GPHN: variants seen among roughly 807,000 people sequenced by gnomAD.
The protein encoded by GPHN is gephyrin.
In GPHN, 17 loss-of-function variants were observed where a neutral mutation model predicts 95.5. That is an observed-to-expected ratio of 0.18 (90% CI 0.12 to 0.27). The LOEUF (loss-of-function observed/expected upper bound fraction) is 0.27, where lower values mean the gene tolerates loss of function less well. GPHN is among the 10% of genes least tolerant of loss of function. The pLI is 1.00. For missense variants in GPHN, 660 were observed against 978.1 expected, an observed-to-expected ratio of 0.67 and a Z score of 4.34; for synonymous variants, 320 against 322.5, an observed-to-expected ratio of 0.99 and a Z score of 0.08.
chr14:67,246,955 T>C, the GPHN span, among the ~76,000 whole-genome samples: 1 of 152,198 alleles, frequency 6.6e-6, no homozygotes, highest in East Asian at 1.9e-4. Context: ...CAGCCTACTA[T>C]AGCTTTAAAA....
the GPHN span, among the ~76,000 whole-genome samples, chr14:67,680,015 G>A: frequency 1.3e-5 from 2 of 152,174 alleles, no homozygotes; most frequent in African/African-American, 4.8e-5. Flanking sequence ...GATTCAAAGT[G>A]TGCACCACAA....
chr14:67,378,037 G>A, the GPHN span, among the ~76,000 whole-genome samples: 4 of 151,938 alleles, frequency 2.6e-5, no homozygotes, highest in Admixed American at 1.3e-4. Flanking sequence ...GATCACTTGA[G>A]TCCAGTGGTT....
the GPHN span, among the ~76,000 whole-genome samples, chr14:67,226,386 G>A: frequency 5.3e-5 from 8 of 150,108 alleles, no homozygotes; most frequent in Non-Finnish European, 4.4e-5. Context: ...TTTTGAGACG[G>A]AGTCTCGCTC....
the GPHN span, among the ~76,000 whole-genome samples, chr14:67,599,642 A>G: frequency 8.5e-4 from 130 of 152,294 alleles, 1 homozygote; most frequent in Middle Eastern, 0.01. Context: ...TGAGGAGCAG[A>G]AGGGATGGAC....
intron 1 of GPHN, among the ~76,000 whole-genome samples, chr14:66,627,324 G>A (rs1047656782): frequency 4.0e-5 from 6 of 151,754 alleles, no homozygotes; most frequent in African/African-American, 4.8e-5. Context: ...CTTGTTTTAC[G>A]TATCTTAAAC....
the GPHN span, among the ~76,000 whole-genome samples, chr14:67,402,258 G>A: frequency 6.6e-6 from 1 of 152,162 alleles, no homozygotes; most frequent in African/African-American, 2.4e-5. Context: ...GGGCATTGAT[G>A]TAATTTTTAC....
At chr14:66,806,111 C>T (rs1252292581) in intron 3 of GPHN, among the ~76,000 whole-genome samples, 1 of 152,184 alleles carries the variant, frequency 6.6e-6, no homozygotes, top group East Asian at 1.9e-4. Context: ...GATTTCTGTT[C>T]ACTCGCAAGC....
chr14:66,690,584 A>C (rs533661887), intron 2 of GPHN, among the ~76,000 whole-genome samples: 1 of 152,318 alleles, frequency 6.6e-6, no homozygotes, highest in East Asian at 1.9e-4. Flanking sequence ...GACCTCTGTC[A>C]CATGTTGAGA....
At chr14:67,212,518 G>A in the GPHN span, among the ~76,000 whole-genome samples, 1 of 150,242 alleles carries the variant, frequency 6.7e-6, no homozygotes, top group Non-Finnish European at 1.5e-5. Flanking sequence ...CTAATCCTGG[G>A]GGGTTGAGGC....
At chr14:66,955,682 C>A (rs2068447932) in intron 8 of GPHN, among the ~76,000 whole-genome samples, 1 of 152,054 alleles carries the variant, frequency 6.6e-6, no homozygotes, top group South Asian at 2.1e-4. Context: ...GTATATATAT[C>A]TCCTAATGCT....
chr14:66,582,255 C>G lies in GPHN; in HGVS notation c.64+73664C>G, dbSNP rs571980290. On this transcript the variant is annotated intron_variant, in intron 1 of 22. Transcript: ENST00000478722. ...ATATTGCAACATTTATAAATTTGCA[C>G]AAACTTACTTGGCCCTAAACAACCA... 5.9e-4 allele frequency among the ~76,000 whole-genome samples: 89 copies of G among 152,088 alleles called. 1 individual carries two copies. Among genetic ancestry groups the G allele is most frequent in the Admixed American group, 3.5e-3 (54 of 15,262 alleles).
chr14:67,442,891 T>C, the GPHN span, among the ~76,000 whole-genome samples: 31 of 152,232 alleles, frequency 2.0e-4, no homozygotes, highest in Admixed American at 1.9e-3. Flanking sequence ...GTGTGAGGAA[T>C]GTCAGAAATG....
chr14:67,327,048 A>C, the GPHN span, among the ~76,000 whole-genome samples: 1 of 152,140 alleles, frequency 6.6e-6, no homozygotes, highest in Non-Finnish European at 1.5e-5. Flanking sequence ...GGTGGCATGC[A>C]CCTGTAATCC....
At chr14:67,195,715 G>T in the GPHN span, among the ~76,000 whole-genome samples, 15 of 6,600 alleles carry the variant, frequency 2.3e-3, no homozygotes, top group South Asian at 0.082. Flanking sequence ...CTTTTTGGTT[G>T]TGTGTGTGTG....
the GPHN span, chr14:67,729,046 G>T: frequency 1.2e-6 from 1 of 828,966 alleles, no homozygotes; most frequent in African/African-American, 1.7e-5. Context: ...TTCAAATTCC[G>T]CCTGGCCAGG....
chr14:67,486,967 T>C, the GPHN span: 11 of 152,230 alleles, frequency 7.2e-5, no homozygotes, highest in African/African-American at 2.7e-4. Flanking sequence ...ATCGCTGGGC[T>C]GGTGATCCCC....
chr14:66,890,736 A>T (rs1319737025), intron 5 of GPHN, among the ~76,000 whole-genome samples: 1 of 152,146 alleles, frequency 6.6e-6, no homozygotes, highest in Non-Finnish European at 1.5e-5. Flanking sequence ...AGGTGACCCT[A>T]GAATACAAGG....
rs565303817 is a variant in GPHN, at chr14:66,632,422, G to A, written c.65-48685G>A. The stretch of plus-strand genomic sequence containing the variant: ...ATATTGATCCAGGCGCAGATTTGCT[G>A]TACATTAATGTAAAGGTTGACTTCC... On this transcript the variant is annotated intron_variant, in intron 1 of 22. Coordinates refer to ENST00000478722, the MANE Select transcript of GPHN (RefSeq NM_020806.5). Among the ~76,000 whole-genome samples the A allele has an allele frequency of 5.3e-4, 80 of 150,498 alleles. 3 individuals are homozygous for A. The South Asian group carries it at 0.015, about 28-fold the overall frequency.
chr14:67,186,671 C>A (rs1009178227), downstream of GPHN, among the ~76,000 whole-genome samples: 22 of 152,210 alleles, frequency 1.4e-4, no homozygotes, highest in African/African-American at 2.4e-5. Context: ...AGGCTAGAAC[C>A]AGTTGCTGTT....
Sources: gnomAD v4.1 joint callset for allele counts (sites outside exome capture counted in the v4.1 genomes callset) on GRCh38, gnomAD v4.1.1 for gene constraint, MANE v1.5 for transcripts, NCBI Gene and HGNC (gene_info 2026-07-23, HGNC 2026-07-21) for gene names.